Variants in SLC25A33 observed in about 807,000 individuals in gnomAD.
SLC25A33 encodes the protein solute carrier family 25 member 33, also known as bone marrow stromal cell mitochondrial carrier protein.
SLC25A33 carries 15 observed loss-of-function variants against 35.5 expected under a neutral mutation model. The observed-to-expected ratio is 0.42, with a 90% confidence interval of 0.28 to 0.65. The LOEUF (loss-of-function observed/expected upper bound fraction) is 0.65, where lower values mean the gene tolerates loss of function less well. Ranked by LOEUF, SLC25A33 falls within the 30% of genes least tolerant of loss-of-function variation. SLC25A33 has a pLI of 0.20. For synonymous variants in SLC25A33, 136 were observed against 148.7 expected (o/e 0.91, Z 0.62); for missense variants, 257 against 398.5 (o/e 0.64, Z 3.02).
At chr1:9,566,541 T>A (rs1643508268) in intron 2 of SLC25A33, among the ~76,000 whole-genome samples, 1 of 152,174 alleles carries the variant, frequency 6.6e-6, no homozygotes, top group Non-Finnish European at 1.5e-5. Context: ...TAGTACAGAC[T>A]CTGCACAGCT....
At chr1:9,558,920 C>T (rs554996382) in intron 2 of SLC25A33, among the ~76,000 whole-genome samples, 8 of 152,244 alleles carry the variant, frequency 5.3e-5, no homozygotes, top group African/African-American at 1.7e-4. Flanking sequence ...TACAGCTATC[C>T]CTGTGGCCTA....
At chr1:9,550,839 T>C (rs11811820) in intron 1 of SLC25A33, among the ~76,000 whole-genome samples, 2,649 of 151,774 alleles carry the variant, frequency 0.017, 87 homozygotes, top group African/African-American at 0.06. Flanking sequence ...ACCCAGCTAA[T>C]TTTTTAATGT....
intron 2 of SLC25A33, among the ~76,000 whole-genome samples, chr1:9,555,571 C>T (rs1288833305): frequency 2.0e-5 from 3 of 152,180 alleles, no homozygotes; most frequent in Admixed American, 6.6e-5. Flanking sequence ...GCTTACTGAG[C>T]GAAACTGAAC....
At chr1:9,554,308 C>T (rs1156881747) in intron 2 of SLC25A33, among the ~76,000 whole-genome samples, 2 of 152,132 alleles carry the variant, frequency 1.3e-5, no homozygotes, top group Non-Finnish European at 2.9e-5. Context: ...GTATTACAGG[C>T]GTGAGCCACC....
At chr1:9,549,416 T>TG (rs1171203824) in intron 1 of SLC25A33, among the ~76,000 whole-genome samples, 13 of 18,830 alleles carry the variant, frequency 6.9e-4, no homozygotes, top group East Asian at 1.9e-3. Context: ...GTGGGATCAA[T>TG]GGGGGGGGAT....
At chr1:9,545,830 G>A (rs1643158223) in intron 1 of SLC25A33, among the ~76,000 whole-genome samples, 1 of 151,750 alleles carries the variant, frequency 6.6e-6, no homozygotes, top group Non-Finnish European at 1.5e-5. Flanking sequence ...GGGCATGGTG[G>A]CGCAGGCCTG....
At chr1:9,577,471 T>A (rs1185769376) in intron 5 of SLC25A33, among the ~76,000 whole-genome samples, 2 of 151,804 alleles carry the variant, frequency 1.3e-5, no homozygotes, top group African/African-American at 4.8e-5. Context: ...TGAGTAAGAC[T>A]CCATCTCAAA....
At chr1:9,540,536 C>T (rs1351671379) in intron 1 of SLC25A33, among the ~76,000 whole-genome samples, 1 of 152,086 alleles carries the variant, frequency 6.6e-6, no homozygotes. Context: ...TGTCACCTCC[C>T]GCCGAGAATA....
chr1:9,552,006 T>A (rs1357628297), intron 1 of SLC25A33, among the ~76,000 whole-genome samples: 3 of 152,184 alleles, frequency 2.0e-5, no homozygotes. Flanking sequence ...ATGATGGAAG[T>A]AGGTATTTTA....
chr1:9,554,391 C>T (rs1330401210), intron 2 of SLC25A33, among the ~76,000 whole-genome samples: 1 of 151,982 alleles, frequency 6.6e-6, no homozygotes. Flanking sequence ...TGGAGTTTTG[C>T]TCTCGTTGCC....
At chr1:9,565,604 T>A (rs748227920) in intron 2 of SLC25A33, among the ~76,000 whole-genome samples, 15 of 148,748 alleles carry the variant, frequency 1.0e-4, no homozygotes, top group Non-Finnish European at 1.8e-4. Context: ...GTTGGCTGGG[T>A]GCATTGGCTC....
intron 4 of SLC25A33, among the ~76,000 whole-genome samples, chr1:9,570,588 T>C (rs1038130834): frequency 6.6e-6 from 1 of 152,080 alleles, no homozygotes; most frequent in Non-Finnish European, 1.5e-5. Flanking sequence ...GTACATGTTC[T>C]ATGCATGCTA....
At chr1:9,573,215 TA>T in intron 4 of SLC25A33, 130 bp from the exon 5 acceptor site, 1 of 606,278 alleles carries the variant, frequency 1.6e-6, no homozygotes, top group South Asian at 2.5e-5. Flanking sequence ...GATAGAAATA[TA>T]ACTGCTTCCT....
intron 2 of SLC25A33, 98 bp downstream of exon 2, chr1:9,553,903 T>G: frequency 7.7e-7 from 1 of 1,298,002 alleles, no homozygotes; most frequent in East Asian, 2.5e-5. Flanking sequence ...ATGTTCTGTT[T>G]GCATAGCCTT....
intron 5 of SLC25A33, among the ~76,000 whole-genome samples, chr1:9,579,694 T>A (rs1026452196): frequency 3.3e-5 from 5 of 152,120 alleles, no homozygotes; most frequent in African/African-American, 9.7e-5. Flanking sequence ...GAGGGGACTC[T>A]CATGGAGTAA....
chr1:9,553,924 T>A, intron 2 of SLC25A33, 119 bp downstream of exon 2: 1 of 1,157,164 alleles, frequency 8.6e-7, no homozygotes, highest in Non-Finnish European at 1.2e-6. Context: ...GGTCCTAACT[T>A]AAGAATTAGA....
chr1:9,580,883 T>A (rs1643737042), intron 6 of SLC25A33, among the ~76,000 whole-genome samples: 1 of 148,414 alleles, frequency 6.7e-6, no homozygotes, highest in Non-Finnish European at 1.5e-5. Flanking sequence ...ATAATAATAA[T>A]AATAATAATA....
chr1:9,568,235 A>G (rs1320574372), intron 3 of SLC25A33, among the ~76,000 whole-genome samples: 1 of 151,790 alleles, frequency 6.6e-6, no homozygotes, highest in Non-Finnish European at 1.5e-5. Flanking sequence ...AGAGGTCAGG[A>G]ATTGGAGACC....
chr1:9,554,302 T>G (rs1190562162), intron 2 of SLC25A33, among the ~76,000 whole-genome samples: 1 of 152,194 alleles, frequency 6.6e-6, no homozygotes, highest in African/African-American at 2.4e-5. Context: ...GTGCTGGTAT[T>G]ACAGGCGTGA....
Sources: gnomAD v4.1 joint callset for allele counts (sites outside exome capture counted in the v4.1 genomes callset) on GRCh38, gnomAD v4.1.1 for gene constraint, MANE v1.5 for transcripts, NCBI Gene and HGNC (gene_info 2026-07-23, HGNC 2026-07-21) for gene names.